GPC6: variants seen among roughly 807,000 people sequenced by gnomAD.
GPC6 encodes glypican 6.
In GPC6, 14 loss-of-function variants were observed where a neutral mutation model predicts 55.2. The ratio of observed to expected loss-of-function variants is 0.25; its 90% CI spans 0.17 to 0.40. The LOEUF (loss-of-function observed/expected upper bound fraction) is 0.40, where lower values mean the gene tolerates loss of function less well. GPC6 is among the 10% of genes least tolerant of loss of function. The pLI is 1.00. For missense variants in GPC6, 641 were observed against 708.5 expected (o/e 0.90, Z 1.08); for synonymous variants, 278 against 259.6 (o/e 1.07, Z -0.68).
chr13:94,150,713 C>A (rs1317460255), intron 4 of GPC6, among the ~76,000 whole-genome samples: 1 of 150,656 alleles, frequency 6.6e-6, no homozygotes, highest in Non-Finnish European at 1.5e-5. Context: ...CACTTTGGGA[C>A]CAGCATGGAT....
At chr13:93,860,215 C>T (rs1354748806) in intron 3 of GPC6, among the ~76,000 whole-genome samples, 4 of 151,630 alleles carry the variant, frequency 2.6e-5, no homozygotes, top group African/African-American at 9.7e-5. Flanking sequence ...TTAATTATAT[C>T]ACATTGCAGT....
chr13:93,579,165 C>T (rs1014673212), intron 2 of GPC6, among the ~76,000 whole-genome samples: 8 of 152,070 alleles, frequency 5.3e-5, no homozygotes, highest in South Asian at 2.1e-4. Context: ...AGAAATAAGA[C>T]GTGGTGTTTG....
intron 1 of GPC6, among the ~76,000 whole-genome samples, chr13:93,383,912 T>C (rs1329284294): frequency 6.6e-6 from 1 of 152,128 alleles, no homozygotes; most frequent in Non-Finnish European, 1.5e-5. Flanking sequence ...CTAAACTATA[T>C]TTATATTTAA....
At chr13:93,540,698 T>C (rs1156730452) in intron 1 of GPC6, among the ~76,000 whole-genome samples, 1 of 152,178 alleles carries the variant, frequency 6.6e-6, no homozygotes, top group Non-Finnish European at 1.5e-5. Flanking sequence ...ACATTCAATA[T>C]CCTCTTTCTA....
At chr13:94,157,947 G>A (rs777351682) in intron 4 of GPC6, among the ~76,000 whole-genome samples, 1 of 152,174 alleles carries the variant, frequency 6.6e-6, no homozygotes, top group Non-Finnish European at 1.5e-5. Flanking sequence ...ACATGGGGAG[G>A]CTGGGAAGAT....
intron 1 of GPC6, among the ~76,000 whole-genome samples, chr13:93,415,086 C>G (rs1876648974): frequency 6.6e-6 from 1 of 152,128 alleles, no homozygotes; most frequent in Non-Finnish European, 1.5e-5. Flanking sequence ...GTTACCATGA[C>G]AGACTCAACT....
chr13:93,951,454 A>G (rs1879249431), intron 3 of GPC6, among the ~76,000 whole-genome samples: 1 of 152,194 alleles, frequency 6.6e-6, no homozygotes, highest in Non-Finnish European at 1.5e-5. Flanking sequence ...TTCTTGAATG[A>G]ATGAATAAAT....
chr13:93,444,727 T>C (rs1200788348), intron 1 of GPC6, among the ~76,000 whole-genome samples: 2 of 152,238 alleles, frequency 1.3e-5, no homozygotes, highest in Non-Finnish European at 2.9e-5. Context: ...CTCATAAAAA[T>C]GTAATTCAAA....
intron 4 of GPC6, among the ~76,000 whole-genome samples, chr13:94,220,370 T>G (rs979792723): frequency 1.3e-5 from 2 of 152,130 alleles, no homozygotes; most frequent in African/African-American, 4.8e-5. Context: ...AGTGTATGAT[T>G]GTGGTACCAG....
At chr13:93,261,925 T>TACACACACACAC (rs34841808) in intron 1 of GPC6, among the ~76,000 whole-genome samples, 3 of 144,518 alleles carry the variant, frequency 2.1e-5, no homozygotes, top group African/African-American at 7.6e-5. Flanking sequence ...TCTCTCCCTC[T>TACACACACACAC]ACACACACAC....
chr13:94,387,772 T>C (rs546557546), intron 7 of GPC6, among the ~76,000 whole-genome samples: 14 of 74,978 alleles, frequency 1.9e-4, no homozygotes, highest in Admixed American at 8.6e-4. Context: ...CTCTGCCGTG[T>C]GAGGACACAA....
intron 1 of GPC6, among the ~76,000 whole-genome samples, chr13:93,496,823 G>A (rs1021484344): frequency 3.3e-5 from 5 of 152,196 alleles, no homozygotes; most frequent in Non-Finnish European, 7.3e-5. Flanking sequence ...TTTGTGAAGT[G>A]CTTTAAGATG....
chr13:94,086,101 C>T (rs1306040466), intron 4 of GPC6, among the ~76,000 whole-genome samples: 1 of 151,912 alleles, frequency 6.6e-6, no homozygotes, highest in Non-Finnish European at 1.5e-5. Flanking sequence ...TCAAATAGAA[C>T]TTTCTCTGCT....
chr13:93,736,317 T>G (rs1318908513), intron 2 of GPC6, among the ~76,000 whole-genome samples: 1 of 152,218 alleles, frequency 6.6e-6, no homozygotes, highest in Non-Finnish European at 1.5e-5. Context: ...CTCCTAAATA[T>G]GTGTGACAGC....
rs945738025 is a variant in GPC6 at position 94,286,337 on chromosome 13, G to C, written c.878-12G>C. 1.6e-5 allele frequency: 26 copies of C among 1,613,422 alleles called. No individual in the cohort carries two copies. Among genetic ancestry groups the C allele is most frequent in the Non-Finnish European group, 2.2e-5 (26 of 1,179,674 alleles). On this transcript the variant is annotated splice_polypyrimidine_tract_variant and intron_variant, in intron 4 of 8. Coordinates refer to ENST00000377047, the MANE Select transcript of GPC6 (RefSeq NM_005708.5). ...CAGTTTGCAAATAAATCATGTTCCT[G>C]TATTTTAACAGATGCAATGCTCTTG...
At chr13:93,285,769 A>G (rs1207485296) in intron 1 of GPC6, among the ~76,000 whole-genome samples, 1 of 152,028 alleles carries the variant, frequency 6.6e-6, no homozygotes, top group Non-Finnish European at 1.5e-5. Flanking sequence ...GTCATGTCAA[A>G]AAGTATGAAA....
intron 4 of GPC6, among the ~76,000 whole-genome samples, chr13:94,141,767 C>T (rs1244950135): frequency 2.0e-5 from 3 of 152,176 alleles, no homozygotes; most frequent in African/African-American, 7.2e-5. Flanking sequence ...ATGATCTGTT[C>T]ACTAAGACTC....
intron 1 of GPC6, among the ~76,000 whole-genome samples, chr13:93,261,171 A>G (rs1405772867): frequency 6.6e-6 from 1 of 152,170 alleles, no homozygotes; most frequent in African/African-American, 2.4e-5. Flanking sequence ...TACAAAGCCA[A>G]TTCTATGAGA....
intron 1 of GPC6, among the ~76,000 whole-genome samples, chr13:93,362,344 G>T (rs527918487): frequency 6.6e-6 from 1 of 152,216 alleles, no homozygotes; most frequent in African/African-American, 2.4e-5. Flanking sequence ...CTGAGTGGTA[G>T]ATCCATTTTA....
Sources: allele counts gnomAD v4.1 joint callset (sites outside exome capture counted in the v4.1 genomes callset), GRCh38; gene constraint gnomAD v4.1.1; transcripts MANE v1.5; gene names NCBI Gene and HGNC (gene_info 2026-07-23, HGNC 2026-07-21).